Variants in TRAPPC6A observed in about 807,000 individuals in gnomAD.
The protein encoded by TRAPPC6A is TRAPP complex subunit 6A.
Under a neutral mutation model 20.8 loss-of-function variants are expected in TRAPPC6A, and 25 were observed. The ratio of observed to expected loss-of-function variants is 1.20; its 90% CI spans 0.88 to 1.68. The LOEUF (loss-of-function observed/expected upper bound fraction) is 1.68, where lower values mean the gene tolerates loss of function less well. TRAPPC6A is among the 40% of genes most tolerant of loss of function. The pLI is 0.00. For missense variants in TRAPPC6A, 215 were observed against 211.6 expected, an observed-to-expected ratio of 1.02 and a Z score of -0.10; for synonymous variants, 96 against 93.3, an observed-to-expected ratio of 1.03 and a Z score of -0.16.
chr19:45,168,528 A>G (rs552192047), intron 1 of TRAPPC6A, among the ~76,000 whole-genome samples: 1 of 152,280 alleles, frequency 6.6e-6, no homozygotes, highest in South Asian at 2.1e-4. Flanking sequence ...CATCCCAAGG[A>G]TGCACAAGGA....
intron 1 of TRAPPC6A, among the ~76,000 whole-genome samples, chr19:45,165,537 T>C (rs1016751069): frequency 6.6e-6 from 1 of 152,236 alleles, no homozygotes; most frequent in African/African-American, 2.4e-5. Context: ...AGGCTGCACG[T>C]GCTTTCAGCG....
At chr19:45,164,355 C>G in intron 3 of TRAPPC6A, 108 bp from the exon 4 acceptor site, 1 of 740,628 alleles carries the variant, frequency 1.4e-6, no homozygotes, top group Non-Finnish European at 2.2e-6. Context: ...TGGGAAGGCC[C>G]CCTTCCTGAG....
In TRAPPC6A at chr19:45,164,255, A is replaced by C. The variant is rs1167544608; in HGVS notation, c.271-8T>G. On this transcript the variant is annotated splice_polypyrimidine_tract_variant and splice_region_variant and intron_variant, in intron 3 of 5. Coordinates refer to ENST00000585934, the MANE Select transcript of TRAPPC6A (RefSeq NM_001270891.2). ...TTGCAGGACGTAGGTCCCCTGGGGG[A>C]GAGGAGAGGCTGGTGGGTGGGGTCG... 4 of 1,588,392 alleles carry C rather than the reference A, an allele frequency of 2.5e-6. No individual in the cohort carries two copies. In the African/African-American group the frequency reaches 5.5e-5, roughly 22 times the overall value.
intron 1 of TRAPPC6A, among the ~76,000 whole-genome samples, chr19:45,171,020 G>C (rs1163371044): frequency 6.6e-6 from 1 of 152,204 alleles, no homozygotes; most frequent in Non-Finnish European, 1.5e-5. Context: ...AAACAGAAGG[G>C]GCTGGGCGCG....
chr19:45,169,000 G>A (rs548156931), intron 1 of TRAPPC6A, among the ~76,000 whole-genome samples: 1 of 152,320 alleles, frequency 6.6e-6, no homozygotes, highest in African/African-American at 2.4e-5. Flanking sequence ...ACGGCTTCCT[G>A]TTGCACTGTC....
intron 1 of TRAPPC6A, among the ~76,000 whole-genome samples, chr19:45,169,855 G>A (rs1969233659): frequency 6.6e-6 from 1 of 152,190 alleles, no homozygotes; most frequent in African/African-American, 2.4e-5. Context: ...CTGCACTCTG[G>A]TGGAACACGT....
In TRAPPC6A at chr19:45,163,751, G is replaced by A. The variant is rs774643592; in HGVS notation, c.448+165C>T. On this transcript the variant is annotated intron_variant, in intron 5 of 5. Transcript: ENST00000585934. This position sits in a 1 kb window ranked among gnomAD's most constrained non-coding sequence, Gnocchi z 5.3. Reference sequence around the variant, plus strand: ...CAGTTCTCTCTGCAGGGCTGGCGACGTCACGGAGCCAGGGGCACAGATGGG... The same window carrying A: ...CAGTTCTCTCTGCAGGGCTGGCGACATCACGGAGCCAGGGGCACAGATGGG... 5.3e-5 allele frequency among the ~76,000 whole-genome samples: 8 copies of A among 152,128 alleles called. No individual in the cohort carries two copies. Among genetic ancestry groups the A allele is most frequent in the Admixed American group, 1.3e-4 (2 of 15,284 alleles).
rs761291135 is a variant in TRAPPC6A at position 45,165,000 on chromosome 19, G to GGGGCC, written c.153-35_153-31dup. The stretch of plus-strand genomic sequence containing the variant: ...TGGGGCAGTACCAAGCTGAGGCCGT[G>GGGGCC]GGGCCAGGCCAGGAAGAGGGAGGAA... On this transcript the variant is annotated intron_variant, in intron 2 of 5. Coordinates refer to ENST00000585934, the MANE Select transcript of TRAPPC6A (RefSeq NM_001270891.2). The GGGGCC allele has an allele frequency of 5.6e-6, 9 of 1,612,232 alleles. No homozygotes were observed. The African/African-American group carries it at 1.1e-4, about 19-fold the overall frequency.
chr19:45,168,895 G>A (rs938575470), intron 1 of TRAPPC6A, among the ~76,000 whole-genome samples: 3 of 152,212 alleles, frequency 2.0e-5, no homozygotes, highest in Non-Finnish European at 4.4e-5. Flanking sequence ...GGAATGGCGG[G>A]GGGGCCTGAG....
At position 45,163,322 on chromosome 19, in the gene TRAPPC6A, C is replaced by A; in HGVS notation, c.449-99G>T. 7.4e-7 allele frequency: 1 copy of A among 1,346,354 alleles called. No homozygotes were observed. 83.4% of individuals were successfully genotyped at this position (1,346,354 alleles called of 1,614,324 possible). On this transcript the variant is annotated intron_variant, in intron 5 of 5. Transcript: ENST00000585934. The surrounding 1 kb of genome is among the most constrained non-coding windows in gnomAD (Gnocchi z 5.3). ...GCTCACCCCCGTCCTGCACTGACAC[C>A]CCAGTGGCTAGGTTGGGCTGTTTCC...
rs1399809206 is a variant in TRAPPC6A, at chr19:45,168,295, G to A, written c.85-3101C>T. 3.9e-5 allele frequency among the ~76,000 whole-genome samples: 6 copies of A among 152,208 alleles called. No individual in the cohort carries two copies. In the East Asian group the frequency reaches 5.8e-4, roughly 15 times the overall value. ...TGGGATTATAGGCGTGAGCCACCGC[G>A]CCCGGCCCTGACCCTGTCTTAAAAA... On this transcript the variant is annotated intron_variant, in intron 1 of 5. Transcript: ENST00000585934.
At chr19:45,174,503 T>A (rs1969324973) in intron 1 of TRAPPC6A, among the ~76,000 whole-genome samples, 1 of 152,024 alleles carries the variant, frequency 6.6e-6, no homozygotes, top group Admixed American at 6.6e-5. Flanking sequence ...CGCATGTGAA[T>A]TAAAGGATCA....
intron 3 of TRAPPC6A, among the ~76,000 whole-genome samples, 161 bp from the exon 4 acceptor site, chr19:45,164,408 G>A (rs2122820949): frequency 6.6e-6 from 1 of 152,184 alleles, no homozygotes; most frequent in South Asian, 2.1e-4. Flanking sequence ...CTCTGGTAGG[G>A]CCCAGGGCTT....
intron 1 of TRAPPC6A, among the ~76,000 whole-genome samples, chr19:45,171,029 C>T (rs961338193): frequency 1.3e-5 from 2 of 152,126 alleles, no homozygotes; most frequent in African/African-American, 2.4e-5. Flanking sequence ...GGGCTGGGCG[C>T]GGGGGCTCTT....
chr19:45,177,179 A>C (rs897949366), intron 1 of TRAPPC6A, among the ~76,000 whole-genome samples: 1 of 129,308 alleles, frequency 7.7e-6, no homozygotes, highest in African/African-American at 3.4e-5. Flanking sequence ...ACCGAGCAGG[A>C]TGCGCGTGCG....
chr19:45,163,027 TG>T lies in TRAPPC6A; in HGVS notation c.*164del. Reference sequence around the variant, plus strand: ...GTCCTGACCGCAGCTGGGACCCCTTTGCCTCCTCTGACACCCCCACCTCAAT... The same window carrying T: ...GTCCTGACCGCAGCTGGGACCCCTTTCCTCCTCTGACACCCCCACCTCAAT... On this transcript the variant is annotated 3_prime_UTR_variant, in exon 6 of 6. Coordinates refer to ENST00000585934, the MANE Select transcript of TRAPPC6A (RefSeq NM_001270891.2). The surrounding 1 kb of genome is among the most constrained non-coding windows in gnomAD (Gnocchi z 5.3). The T allele has an allele frequency of 1.4e-6, 1 of 717,614 alleles. No individual in the cohort carries two copies. The highest frequency in any genetic ancestry group is 2.8e-5 in the Admixed American group (1 of 35,628). 44.5% of individuals were successfully genotyped at this position (717,614 alleles called of 1,614,324 possible).
rs1369008037 is a variant in TRAPPC6A at position 45,164,710 on chromosome 19, GAC to G, written c.270+141_270+142del. 4 of 766,140 alleles carry G rather than the reference GAC, an allele frequency of 5.2e-6. No homozygotes were observed. The Admixed American group carries it at 7.8e-5, about 15-fold the overall frequency. 47.5% of individuals were successfully genotyped at this position (766,140 alleles called of 1,614,324 possible). On this transcript the variant is annotated intron_variant, in intron 3 of 5. Transcript: ENST00000585934. Reference sequence around the variant, plus strand: ...CCTCCTGGCTTCCCTTAGAGGATCAGACAGAGCAAGAGCTGCGGCCGCCTGTG... The same window carrying G: ...CCTCCTGGCTTCCCTTAGAGGATCAGAGAGCAAGAGCTGCGGCCGCCTGTG...
intron 1 of TRAPPC6A, among the ~76,000 whole-genome samples, chr19:45,168,461 G>A (rs1301208376): frequency 1.3e-5 from 2 of 152,288 alleles, no homozygotes; most frequent in Middle Eastern, 3.4e-3. Flanking sequence ...GGGCGCACAC[G>A]GGCCCACACT....
intron 1 of TRAPPC6A, among the ~76,000 whole-genome samples, chr19:45,167,227 C>G (rs943059460): frequency 6.6e-6 from 1 of 152,220 alleles, no homozygotes; most frequent in South Asian, 2.1e-4. Context: ...CAAAGGACAC[C>G]GTAAGTCCTT....
Sources: gnomAD v4.1 joint callset for allele counts (sites outside exome capture counted in the v4.1 genomes callset) on GRCh38, gnomAD v4.1.1 for gene constraint, Gnocchi (gnomAD v3.1) non-coding constraint, MANE v1.5 for transcripts, NCBI Gene and HGNC (gene_info 2026-07-23, HGNC 2026-07-21) for gene names.